The following ARHGAP32 variants were observed in gnomAD, a reference collection of about 807,000 sequenced individuals.
The protein encoded by ARHGAP32 is Rho GTPase activating protein 32.
A neutral mutation model predicts 186.5 loss-of-function variants in ARHGAP32; 51 were observed. That is an observed-to-expected ratio of 0.27 (90% confidence interval 0.22 to 0.35). The LOEUF (loss-of-function observed/expected upper bound fraction) is 0.35. Ranked by LOEUF, ARHGAP32 falls within the 10% of genes least tolerant of loss-of-function variation. ARHGAP32 has a pLI of 1.00. For missense variants in ARHGAP32, 2,186 were observed against 2,623.5 expected (o/e 0.83, Z 3.64); for synonymous variants, 950 against 964.3 (o/e 0.99, Z 0.27).
At chr11:129,073,766 CAAA>C (rs1204846104) in intron 6 of ARHGAP32, among the ~76,000 whole-genome samples, 3 of 143,448 alleles carry the variant, frequency 2.1e-5, no homozygotes, top group Non-Finnish European at 4.6e-5. Flanking sequence ...AAAAAACAAA[CAAA>C]AAACAACAAC....
chr11:129,003,665 G>A (rs781419260), intron 11 of ARHGAP32, among the ~76,000 whole-genome samples: 2 of 152,046 alleles, frequency 1.3e-5, no homozygotes, highest in Admixed American at 6.6e-5. Flanking sequence ...CCAATTTACT[G>A]GCATATAGTT....
At chr11:129,255,282 T>G (rs1385041132) in intron 1 of ARHGAP32, among the ~76,000 whole-genome samples, 1 of 152,050 alleles carries the variant, frequency 6.6e-6, no homozygotes, top group Non-Finnish European at 1.5e-5. Context: ...TGCAATGCAA[T>G]TGAAAAGGAT....
intron 6 of ARHGAP32, among the ~76,000 whole-genome samples, chr11:129,091,245 A>T (rs1255060318): frequency 6.6e-6 from 1 of 152,150 alleles, no homozygotes; most frequent in Non-Finnish European, 1.5e-5. Flanking sequence ...TCCATGCTGT[A>T]TCAGCTGTTT....
At chr11:129,145,829 T>C (rs560559315) in intron 2 of ARHGAP32, among the ~76,000 whole-genome samples, 24 of 152,242 alleles carry the variant, frequency 1.6e-4, no homozygotes, top group African/African-American at 5.5e-4. Context: ...TACCACTTGA[T>C]TCATGCCAGA....
chr11:129,172,738 GA>G (rs751705853), intron 1 of ARHGAP32, among the ~76,000 whole-genome samples: 17 of 152,250 alleles, frequency 1.1e-4, no homozygotes, highest in Non-Finnish European at 2.1e-4. Context: ...GAAGTTCTTT[GA>G]AACAAATGAG....
chr11:129,245,594 TATA>T (rs1399982349), intron 1 of ARHGAP32, among the ~76,000 whole-genome samples: 1 of 148,518 alleles, frequency 6.7e-6, no homozygotes, highest in Admixed American at 6.7e-5. Flanking sequence ...AAACTTAAAG[TATA>T]ATAAAAATAA....
Position 129,063,874 on chromosome 11 carries a change from A to G in ARHGAP32, c.885+28T>C, listed in dbSNP as rs372251430. 9.5e-6 allele frequency: 15 copies of G among 1,583,310 alleles called. No individual in the cohort carries two copies. In the African/African-American group the frequency reaches 1.4e-4, roughly 14 times the overall value. Reference sequence around the variant, plus strand: ...AGGCCAGAAAGTTAGCAAGAACCAAATAACAAACAACCACTTTAACTATTT... The same window carrying G: ...AGGCCAGAAAGTTAGCAAGAACCAAGTAACAAACAACCACTTTAACTATTT... On this transcript the variant is annotated intron_variant, in intron 9 of 22. Transcript: ENST00000682385.
In ARHGAP32 at chr11:129,172,734, C is replaced by A. The variant is rs544874582; in HGVS notation, c.117-8307G>T. ...AAATTAAGGCAGAAATCAGGAAGTT[C>A]TTTGAAACAAATGAGAACAAATAGA... On this transcript the variant is annotated intron_variant, in intron 1 of 22. Transcript: ENST00000682385. 3.9e-5 allele frequency among the ~76,000 whole-genome samples: 6 copies of A among 152,224 alleles called. No individual in the cohort carries two copies. The East Asian group carries it at 1.2e-3, about 29-fold the overall frequency.
chr11:129,070,908 CTCAG>C (rs914844319), intron 6 of ARHGAP32, among the ~76,000 whole-genome samples: 9 of 151,936 alleles, frequency 5.9e-5, no homozygotes, highest in Non-Finnish European at 8.8e-5. Flanking sequence ...TTTCATATTT[CTCAG>C]TCACTTTTAT....
chr11:129,023,926 G>A, intron 11 of ARHGAP32: 1 of 985,348 alleles, frequency 1.0e-6, no homozygotes, highest in Admixed American at 6.1e-5. Flanking sequence ...TTTAGCAGTA[G>A]ATTCATCAGG....
At chr11:129,115,776 C>T (rs1942350682) in intron 5 of ARHGAP32, among the ~76,000 whole-genome samples, 1 of 152,038 alleles carries the variant, frequency 6.6e-6, no homozygotes, top group Non-Finnish European at 1.5e-5. Flanking sequence ...TTTCTCTCTC[C>T]CCCAAGCCAT....
At chr11:128,991,078 A>G (rs1489747266) in intron 12 of ARHGAP32, among the ~76,000 whole-genome samples, 1 of 152,182 alleles carries the variant, frequency 6.6e-6, no homozygotes, top group Non-Finnish European at 1.5e-5. Context: ...AAAAAAAAGT[A>G]TCGGTAATTT....
At chr11:129,147,031 G>T (rs1384411291) in intron 2 of ARHGAP32, among the ~76,000 whole-genome samples, 1 of 151,986 alleles carries the variant, frequency 6.6e-6, no homozygotes, top group African/African-American at 2.4e-5. Flanking sequence ...AGAAATGGTA[G>T]TAAAATTGTG....
At chr11:129,198,757 G>T (rs530737112) in intron 1 of ARHGAP32, among the ~76,000 whole-genome samples, 1 of 152,302 alleles carries the variant, frequency 6.6e-6, no homozygotes, top group East Asian at 1.9e-4. Context: ...GTAGTGTGGG[G>T]CACTGCTGCA....
At chr11:129,182,603 A>G (rs1944079520) in intron 1 of ARHGAP32, among the ~76,000 whole-genome samples, 1 of 150,354 alleles carries the variant, frequency 6.7e-6, no homozygotes, top group African/African-American at 2.4e-5. Context: ...ATGCCTTCCT[A>G]TTATAAAAAA....
chr11:129,188,446 C>T (rs1037058315), intron 1 of ARHGAP32, among the ~76,000 whole-genome samples: 2 of 152,078 alleles, frequency 1.3e-5, no homozygotes, highest in African/African-American at 4.8e-5. Context: ...CTGATCTGAT[C>T]GCCTGGGCCT....
intron 1 of ARHGAP32, among the ~76,000 whole-genome samples, chr11:129,227,022 CTAATT>C (rs1273780058): frequency 2.6e-5 from 4 of 151,688 alleles, no homozygotes; most frequent in Admixed American, 6.6e-5. Flanking sequence ...CTTCTTCTAC[CTAATT>C]TAAAAGACTG....
chr11:129,164,900 T>C (rs988214976), intron 1 of ARHGAP32, among the ~76,000 whole-genome samples: 1 of 152,100 alleles, frequency 6.6e-6, no homozygotes, highest in Admixed American at 6.6e-5. Flanking sequence ...GGGCAAAACA[T>C]ATAAAACAGC....
intron 2 of ARHGAP32, among the ~76,000 whole-genome samples, chr11:129,130,192 G>A (rs926097278): frequency 2.6e-5 from 4 of 152,064 alleles, no homozygotes; most frequent in Admixed American, 1.3e-4. Context: ...ACACGTATAC[G>A]ATAAAAGTTT....
Sources: allele counts gnomAD v4.1 joint callset (sites outside exome capture counted in the v4.1 genomes callset), GRCh38; gene constraint gnomAD v4.1.1; transcripts MANE v1.5; gene names NCBI Gene and HGNC (gene_info 2026-07-23, HGNC 2026-07-21).